Variants in RUFY2 observed in about 807,000 individuals in gnomAD.
RUFY2 encodes the protein RUN and FYVE domain containing 2.
A neutral mutation model predicts 94.4 loss-of-function variants in RUFY2; 49 were observed. The observed-to-expected ratio is 0.52, with a 90% CI of 0.41 to 0.66. The LOEUF (loss-of-function observed/expected upper bound fraction) is 0.66, where lower values mean the gene tolerates loss of function less well. Ranked by LOEUF, RUFY2 falls within the 30% of genes least tolerant of loss-of-function variation. RUFY2 has a pLI of 0.00. For synonymous variants in RUFY2, 255 were observed against 235.7 expected, an observed-to-expected ratio of 1.08 and a Z score of -0.75; for missense variants, 541 against 692.8, an observed-to-expected ratio of 0.78 and a Z score of 2.46.
intron 15 of RUFY2, among the ~76,000 whole-genome samples, chr10:68,360,672 C>T (rs1356644262): frequency 2.0e-5 from 3 of 151,958 alleles, no homozygotes; most frequent in Admixed American, 6.6e-5. Context: ...GACGTGAACC[C>T]GGCAGGCAGA....
intron 13 of RUFY2, among the ~76,000 whole-genome samples, chr10:68,375,584 C>A (rs533428723): frequency 1.3e-5 from 2 of 151,796 alleles, no homozygotes; most frequent in South Asian, 4.2e-4. Flanking sequence ...ACCATCCTGG[C>A]TAACACAGTG....
At chr10:68,388,884 AAC>A (rs1340115143) in intron 7 of RUFY2, among the ~76,000 whole-genome samples, 2 of 151,934 alleles carry the variant, frequency 1.3e-5, no homozygotes, top group Non-Finnish European at 2.9e-5. Context: ...AAAGCAATGA[AAC>A]ACTTTTACTT....
intron 13 of RUFY2, among the ~76,000 whole-genome samples, chr10:68,371,486 G>A (rs951590525): frequency 3.3e-5 from 5 of 151,860 alleles, no homozygotes; most frequent in Admixed American, 2.0e-4. Flanking sequence ...TAGCTACCCA[G>A]GAGACTGAGG....
Position 68,396,850 on chromosome 10 carries a change from G to T in RUFY2, c.328C>A (p.Arg110=). The T allele has an allele frequency of 6.2e-7, 1 of 1,613,710 alleles. No individual in the cohort carries two copies. The highest frequency in any genetic ancestry group is 2.2e-5 in the East Asian group (1 of 44,858). ...TPLGRARAWL[R]LALMQKKMAD... is the part of the protein sequence containing the mutation. ...ATTTTTTTTTGCATGAGGGCTAATC[G>T]AAGCCACGCTCTTGCTCGACCCAGA... Residue 110 remains arginine, a synonymous_variant, in exon 4 of 18, where the codon CGA becomes AGA. Coordinates refer to ENST00000602465, the MANE Select transcript of RUFY2 (RefSeq NM_001330103.2).
At chr10:68,398,126 C>CA (rs377600173) in intron 3 of RUFY2, among the ~76,000 whole-genome samples, 9,389 of 62,896 alleles carry the variant, frequency 0.15, 517 homozygotes, top group African/African-American at 0.18. Context: ...GATTTGTTCT[C>CA]AAAAAAAAAA....
intron 15 of RUFY2, among the ~76,000 whole-genome samples, chr10:68,359,386 A>G (rs2047279485): frequency 6.9e-6 from 1 of 145,572 alleles, no homozygotes; most frequent in Non-Finnish European, 1.5e-5. Context: ...ATGTGTGTAT[A>G]TATACGTATA....
chr10:68,341,340 T>C, downstream of RUFY2: 1 of 1,579,820 alleles, frequency 6.3e-7, no homozygotes. Flanking sequence ...ACAATCTTAT[T>C]TCCTAAACGT....
intron 2 of RUFY2, among the ~76,000 whole-genome samples, chr10:68,403,564 G>C (rs2051029936): frequency 2.6e-5 from 4 of 152,104 alleles, no homozygotes; most frequent in Admixed American, 2.6e-4. Context: ...TAATAGAAGA[G>C]AATGAATAAA....
intron 5 of RUFY2, 76 bp from the exon 6 acceptor site, chr10:68,394,212 C>G (rs2050212278): frequency 1.3e-6 from 2 of 1,536,596 alleles, no homozygotes; most frequent in African/African-American, 1.4e-5. Flanking sequence ...GAATGTTACT[C>G]TTAATATTCC....
chr10:68,401,198 C>A (rs1564854845), intron 3 of RUFY2, among the ~76,000 whole-genome samples: 3 of 152,176 alleles, frequency 2.0e-5, no homozygotes, highest in African/African-American at 7.2e-5. Flanking sequence ...AAATGTACAC[C>A]AGTCCTAGGG....
At chr10:68,379,579 G>A (rs2048891569) in intron 11 of RUFY2, 58 bp from the exon 12 acceptor site, 4 of 1,233,142 alleles carry the variant, frequency 3.2e-6, no homozygotes, top group East Asian at 2.4e-5. Context: ...GTTTGTGTGT[G>A]TGTGTGTGTG....
At chr10:68,400,575 C>T (rs1029933938) in intron 3 of RUFY2, among the ~76,000 whole-genome samples, 12 of 151,686 alleles carry the variant, frequency 7.9e-5, no homozygotes, top group Non-Finnish European at 1.3e-4. Context: ...ACTCGGGAGG[C>T]TGAGGCAGGA....
chr10:68,344,056 C>G lies in RUFY2; in HGVS notation c.*1712G>C, dbSNP rs1359524983. The G allele has an allele frequency of 6.6e-6, 1 of 152,112 alleles. No homozygotes were observed. Among genetic ancestry groups the G allele is most frequent in the Non-Finnish European group, 1.5e-5 (1 of 68,016 alleles). 9.4% of individuals were successfully genotyped at this position (152,112 alleles called of 1,614,324 possible). A position where few individuals can be genotyped will look rare whatever the true frequency, so the allele number is the denominator to read the frequency against. On this transcript the variant is annotated 3_prime_UTR_variant, in exon 18 of 18. Transcript: ENST00000602465. ...TGTTAGCCCATCCCACCTATCAATACAAAATGGTTCAAGAATATAATCCTC... is the reference window on the plus strand; with the variant it reads ...TGTTAGCCCATCCCACCTATCAATAGAAAATGGTTCAAGAATATAATCCTC...
rs1253472899 is a variant in RUFY2 at position 68,384,073 on chromosome 10, A to G, written c.800T>C (p.Met267Thr). The G allele has an allele frequency of 3.7e-6, 6 of 1,613,184 alleles. No individual in the cohort carries two copies. The highest frequency in any genetic ancestry group is 2.2e-5 in the East Asian group (1 of 44,844). ...TACCTCTAGGTGCTGCTGTGTTTTC[A>G]TTAAAATCAATTTATTTTCACTTCG... Reference protein sequence around the residue: ...QLRSENKLILMKTQQHLEVTK... With the variant: ...QLRSENKLILTKTQQHLEVTK... Residue 267 changes from methionine to threonine, a missense_variant, in exon 9 of 18, where the codon ATG becomes ACG. Met to Thr is a moderately conservative substitution (Grantham distance 81). Around this residue, in one of 3 missense-constraint regions of RUFY2, gnomAD observed 403 missense variants for 480.7 expected, o/e 0.84. Transcript: ENST00000602465.
chr10:68,400,935 C>G (rs185354213), intron 3 of RUFY2, among the ~76,000 whole-genome samples: 27 of 152,216 alleles, frequency 1.8e-4, no homozygotes, highest in Non-Finnish European at 3.5e-4. Flanking sequence ...ATGGGGTGAA[C>G]CCGGGAGGTG....
At chr10:68,350,699 G>A (rs572886479) in intron 16 of RUFY2, among the ~76,000 whole-genome samples, 3 of 151,554 alleles carry the variant, frequency 2.0e-5, no homozygotes, top group East Asian at 1.9e-4. Context: ...CGGAGGATAC[G>A]CAGTGTTTTT....
intron 13 of RUFY2, among the ~76,000 whole-genome samples, chr10:68,372,279 C>T (rs2048332347): frequency 6.6e-6 from 1 of 151,968 alleles, no homozygotes; most frequent in African/African-American, 2.4e-5. Context: ...ATGCTACTAT[C>T]ATCCTAGCTA....
chr10:68,366,221 T>C (rs1202308771), intron 13 of RUFY2, among the ~76,000 whole-genome samples: 2 of 150,050 alleles, frequency 1.3e-5, no homozygotes, highest in African/African-American at 2.5e-5. Context: ...CAGCTACTAC[T>C]TGGAAGGCTG....
intron 12 of RUFY2, among the ~76,000 whole-genome samples, chr10:68,378,971 C>T (rs1368430491): frequency 6.6e-6 from 1 of 152,100 alleles, no homozygotes; most frequent in Non-Finnish European, 1.5e-5. Context: ...ATTATATCCT[C>T]GGTTGGGTTG....
Sources: gnomAD v4.1 joint callset for allele counts (sites outside exome capture counted in the v4.1 genomes callset) on GRCh38, gnomAD v4.1.1 for gene constraint, gnomAD v4.1.1 regional missense constraint, MANE v1.5 for transcripts, NCBI Gene and HGNC (gene_info 2026-07-23, HGNC 2026-07-21) for gene names.